The following SNTG1 variants were observed in gnomAD, a reference collection of about 807,000 sequenced individuals.
The protein encoded by SNTG1 is syntrophin gamma 1, also known as gamma-1-syntrophin.
In SNTG1, 39 loss-of-function variants were observed where a neutral mutation model predicts 74.7. The ratio of observed to expected loss-of-function variants is 0.52; its 90% CI spans 0.40 to 0.68. SNTG1 has a LOEUF of 0.68. SNTG1 is among the 30% of genes least tolerant of loss of function. The pLI is 0.00. For missense variants in SNTG1, 685 were observed against 609.5 expected, an observed-to-expected ratio of 1.12 and a Z score of -1.30; for synonymous variants, 254 against 217.1, an observed-to-expected ratio of 1.17 and a Z score of -1.49.
At chr8:50,321,024 A>G (rs906481915) in intron 2 of SNTG1, among the ~76,000 whole-genome samples, 2 of 152,104 alleles carry the variant, frequency 1.3e-5, no homozygotes, top group African/African-American at 4.8e-5. Context: ...ATTACACGAA[A>G]TATACCTGAT....
chr8:49,936,817 T>G (rs2129366170), intron 1 of SNTG1, among the ~76,000 whole-genome samples: 1 of 152,276 alleles, frequency 6.6e-6, no homozygotes. Context: ...TGTATTGAAA[T>G]ACTTATTGAT....
At chr8:50,487,701 G>T (rs946359842) in intron 8 of SNTG1, among the ~76,000 whole-genome samples, 18 of 151,314 alleles carry the variant, frequency 1.2e-4, no homozygotes, top group African/African-American at 4.4e-4. Flanking sequence ...GTCGGAGGGG[G>T]GGGAGGGATA....
chr8:50,434,043 C>A (rs978827881), intron 4 of SNTG1, among the ~76,000 whole-genome samples: 1 of 146,742 alleles, frequency 6.8e-6, no homozygotes, highest in African/African-American at 2.5e-5. Context: ...TCCCCCCTCC[C>A]CCTACCCCAT....
chr8:49,939,645 G>T (rs1585586332), intron 1 of SNTG1, among the ~76,000 whole-genome samples: 1 of 152,108 alleles, frequency 6.6e-6, no homozygotes, highest in East Asian at 1.9e-4. Context: ...TTTTGAGTTG[G>T]CTCAGTTAAC....
chr8:50,091,898 T>A (rs1157825481), intron 1 of SNTG1, among the ~76,000 whole-genome samples: 1 of 152,102 alleles, frequency 6.6e-6, no homozygotes, highest in Non-Finnish European at 1.5e-5. Flanking sequence ...TTAATCTGAG[T>A]AAACTACAGT....
intron 2 of SNTG1, among the ~76,000 whole-genome samples, chr8:50,262,404 G>GT (rs1299620327): frequency 5.3e-5 from 8 of 151,920 alleles, no homozygotes; most frequent in East Asian, 1.9e-4. Context: ...ACCAACATCT[G>GT]TTTTTTTGTT....
At chr8:50,763,982 C>A (rs1356846661) in intron 18 of SNTG1, among the ~76,000 whole-genome samples, 1 of 149,882 alleles carries the variant, frequency 6.7e-6, no homozygotes, top group Admixed American at 6.7e-5. Flanking sequence ...AAAATAGACA[C>A]ACTGACCAAT....
chr8:50,400,757 T>C (rs1198254424), intron 3 of SNTG1, among the ~76,000 whole-genome samples: 2 of 152,138 alleles, frequency 1.3e-5, no homozygotes, highest in African/African-American at 2.4e-5. Flanking sequence ...GTAAGTGATG[T>C]TGGAGTTGAG....
At chr8:50,267,630 A>T (rs1435366131) in intron 2 of SNTG1, among the ~76,000 whole-genome samples, 3 of 152,214 alleles carry the variant, frequency 2.0e-5, no homozygotes, top group African/African-American at 7.2e-5. Flanking sequence ...TCCCACATGA[A>T]GACAGCAAGG....
rs2095696527 is a variant in SNTG1, at chr8:50,793,288, A to G, written c.*459A>G. On this transcript the variant is annotated 3_prime_UTR_variant, in exon 19 of 19. Coordinates refer to ENST00000642720, the MANE Select transcript of SNTG1 (RefSeq NM_018967.5). ...GGGACATAAAAGAGTTAAAAACCATAAATCAGCAAGGAGCATGCAAAAAAA... is the reference window on the plus strand; with the variant it reads ...GGGACATAAAAGAGTTAAAAACCATGAATCAGCAAGGAGCATGCAAAAAAA... 1 of 152,184 alleles carries G rather than the reference A, an allele frequency of 6.6e-6. No homozygotes were observed. Among genetic ancestry groups the G allele is most frequent in the Admixed American group, 6.6e-5 (1 of 15,220 alleles). 9.4% of individuals were successfully genotyped at this position (152,184 alleles called of 1,614,324 possible).
At chr8:50,438,283 A>G (rs992284237) in intron 4 of SNTG1, among the ~76,000 whole-genome samples, 2 of 152,216 alleles carry the variant, frequency 1.3e-5, no homozygotes, top group African/African-American at 4.8e-5. Context: ...GTCCAAAATA[A>G]TCATTGAGAA....
At chr8:50,059,276 C>T (rs1263847309) in intron 1 of SNTG1, among the ~76,000 whole-genome samples, 2 of 151,996 alleles carry the variant, frequency 1.3e-5, no homozygotes, top group South Asian at 2.1e-4. Context: ...TTAAGATTGC[C>T]AGATTGCATA....
intron 8 of SNTG1, among the ~76,000 whole-genome samples, chr8:50,453,578 G>T (rs1171939990): frequency 6.6e-6 from 1 of 152,136 alleles, no homozygotes; most frequent in Non-Finnish European, 1.5e-5. Flanking sequence ...AAGGTGAACG[G>T]AATGAACTAA....
intron 8 of SNTG1, chr8:50,457,873 T>C (rs1228628125): frequency 6.6e-6 from 1 of 152,240 alleles, no homozygotes; most frequent in Non-Finnish European, 1.5e-5. Context: ...AAAGGTACAT[T>C]CTGGGCAGTA....
intron 17 of SNTG1, among the ~76,000 whole-genome samples, chr8:50,716,443 T>C (rs530939017): frequency 6.6e-6 from 1 of 152,160 alleles, no homozygotes; most frequent in East Asian, 1.9e-4. Flanking sequence ...AGCTCAACAA[T>C]ACAAAGAGCT....
At chr8:49,942,992 A>G (rs1410935617) in intron 1 of SNTG1, among the ~76,000 whole-genome samples, 1 of 152,220 alleles carries the variant, frequency 6.6e-6, no homozygotes, top group Non-Finnish European at 1.5e-5. Context: ...ATTTCTCTTC[A>G]TAAGAGATTT....
rs1279572764 is a variant in SNTG1 at position 50,792,770 on chromosome 8, G to A, written c.1495G>A (p.Ala499Thr). The A allele has an allele frequency of 6.8e-6, 11 of 1,612,402 alleles. No homozygotes were observed. The highest frequency in any genetic ancestry group is 1.3e-5 in the African/African-American group (1 of 74,794). ...CLDPLFLGNQ[A>T]TASTAASSAT... ...GGACCCTCTATTTTTAGGCAATCAA[G>A]CTACTGCTTCTACTGCTGCCAGCTC... is the stretch of plus-strand genomic sequence containing the variant. Residue 499 changes from alanine (A) to threonine (T), a missense_variant, in exon 19 of 19, where the codon GCT becomes ACT. Physicochemically the swap from Ala to Thr is moderately conservative, Grantham distance 58. Coordinates refer to ENST00000642720, the MANE Select transcript of SNTG1 (RefSeq NM_018967.5).
intron 1 of SNTG1, among the ~76,000 whole-genome samples, chr8:50,016,897 C>T (rs1816374344): frequency 6.6e-6 from 1 of 152,064 alleles, no homozygotes; most frequent in Admixed American, 6.6e-5. Flanking sequence ...AGACTAACAA[C>T]TGACTTCACG....
intron 4 of SNTG1, among the ~76,000 whole-genome samples, chr8:50,421,218 A>G (rs1185097402): frequency 1.3e-5 from 2 of 152,170 alleles, no homozygotes; most frequent in Non-Finnish European, 2.9e-5. Context: ...TCCACAGAGT[A>G]AAATGAAAGC....
Sources: allele counts gnomAD v4.1 joint callset (sites outside exome capture counted in the v4.1 genomes callset), GRCh38; gene constraint gnomAD v4.1.1; transcripts MANE v1.5; gene names NCBI Gene and HGNC (gene_info 2026-07-23, HGNC 2026-07-21).